The following ARL17A variants were observed in gnomAD, a reference collection of about 807,000 sequenced individuals.
The protein encoded by ARL17A is ARF like GTPase 17A.
chr17:46,529,119 C>T (rs1233930318), intron 4 of ARL17A, among the ~76,000 whole-genome samples: 1 of 133,318 alleles, frequency 7.5e-6, no homozygotes, highest in Non-Finnish European at 1.6e-5. Context: ...TGCTCCAGTC[C>T]TTTCATCTCT....
intron 4 of ARL17A, among the ~76,000 whole-genome samples, chr17:46,534,736 CGGG>C: frequency 6.7e-6 from 1 of 150,056 alleles, no homozygotes; most frequent in Non-Finnish European, 1.5e-5. Flanking sequence ...GGGTGGCGGC[CGGG>C]CAGAGGGGCT....
At chr17:46,549,185 G>A (rs2056543361), downstream of ARL17A, 2 of 1,611,322 alleles carry the variant, frequency 1.2e-6, no homozygotes, top group East Asian at 2.2e-5. Flanking sequence ...GCAGCGAAGA[G>A]CCTCATAAAT....
At chr17:46,548,818 G>C (rs2056476271), downstream of ARL17A, 1 of 1,612,084 alleles carries the variant, frequency 6.2e-7, no homozygotes, top group African/African-American at 1.4e-5. Flanking sequence ...TGAGAAGTTA[G>C]CGGGAAACGC....
At chr17:46,532,879 T>C (rs988551801) in intron 4 of ARL17A, among the ~76,000 whole-genome samples, 10 of 149,020 alleles carry the variant, frequency 6.7e-5, no homozygotes, top group African/African-American at 2.3e-4. Context: ...GGTGGGAGGA[T>C]TGCTTGACCC....
the ARL17A span, among the ~76,000 whole-genome samples, chr17:46,500,709 T>C: frequency 6.6e-6 from 1 of 151,212 alleles, no homozygotes; most frequent in East Asian, 1.9e-4. Context: ...TTCTTTTTTT[T>C]CCAATATCTT....
downstream of ARL17A, chr17:46,548,847 C>G (rs273529): frequency 6.4e-4 from 1,034 of 1,606,284 alleles, 61 homozygotes; most frequent in African/African-American, 7.0e-3. Context: ...CCAAGCCTTC[C>G]TTCACCCAAG....
chr17:46,530,382 T>C (rs1475858146), intron 4 of ARL17A, among the ~76,000 whole-genome samples: 1 of 144,758 alleles, frequency 6.9e-6, no homozygotes, highest in African/African-American at 2.6e-5. Context: ...TTCTTTCTCT[T>C]TGTAACATCA....
chr17:46,535,079 A>C (rs1403190645), intron 4 of ARL17A, among the ~76,000 whole-genome samples: 1 of 148,058 alleles, frequency 6.8e-6, no homozygotes, highest in African/African-American at 2.6e-5. Flanking sequence ...TTTTTTGTAG[A>C]GACAGGGTTT....
downstream of ARL17A, among the ~76,000 whole-genome samples, chr17:46,550,891 C>T (rs1195854352): frequency 6.8e-6 from 1 of 147,224 alleles, no homozygotes; most frequent in Non-Finnish European, 1.5e-5. Flanking sequence ...TCTCCACCCT[C>T]ACGGAGTTGT....
downstream of ARL17A, among the ~76,000 whole-genome samples, chr17:46,516,430 T>C (rs1445628108): frequency 3.5e-5 from 5 of 144,838 alleles, no homozygotes; most frequent in African/African-American, 1.3e-4. Flanking sequence ...CCTTGAGGTG[T>C]GGAGATGCTA....
chr17:46,541,939 G>A (rs1481124676), intron 3 of ARL17A, among the ~76,000 whole-genome samples: 4 of 143,640 alleles, frequency 2.8e-5, no homozygotes, highest in Admixed American at 2.1e-4. Flanking sequence ...TAGTATTCCG[G>A]TTGTGTGGAA....
chr17:46,528,781 C>T (rs1272122710), exon 5 of ARL17A: 6 of 670,982 alleles, frequency 8.9e-6, no homozygotes, highest in East Asian at 2.7e-5. Flanking sequence ...AGATTTTGCC[C>T]CTGAAAAAGC....
chr17:46,550,277 G>T, downstream of ARL17A: 3 of 269,552 alleles, frequency 1.1e-5, no homozygotes, highest in Non-Finnish European at 2.0e-5. Flanking sequence ...TTGCACCACG[G>T]TACCCAAGCC....
chr17:46,539,943 CTTT>C (rs1317290619), intron 3 of ARL17A, among the ~76,000 whole-genome samples: 1 of 139,072 alleles, frequency 7.2e-6, no homozygotes, highest in Non-Finnish European at 1.5e-5. Flanking sequence ...TTGCTATCCA[CTTT>C]TTTTTTCCTT....
At chr17:46,500,544 T>C in the ARL17A span, among the ~76,000 whole-genome samples, 2 of 150,324 alleles carry the variant, frequency 1.3e-5, no homozygotes, top group South Asian at 2.1e-4. Flanking sequence ...CGAGGCAGCT[T>C]TTCAAACTTT....
Position 46,539,768 on chromosome 17 carries a change from CAAAAAAAA to C in ARL17A, c.260-1350_260-1343del, listed in dbSNP as rs1204528686. The stretch of plus-strand genomic sequence containing the variant: ...GGGCAACAAGAGCGAGACTCCATCT[CAAAAAAAA>C]AAAAAAAAAAAAAATAGATGAACAA... On this transcript the variant is annotated intron_variant, in intron 3 of 4. Coordinates refer to the ARL17A transcript ENST00000329240. 1.6e-3 allele frequency among the ~76,000 whole-genome samples: 105 copies of C among 67,024 alleles called. 3 individuals carry two copies. The East Asian group carries it at 0.029, about 18-fold the overall frequency. 44.0% of individuals were successfully genotyped at this position (67,024 alleles called of 152,430 possible).
downstream of ARL17A, chr17:46,548,920 C>G (rs1461133578): frequency 6.2e-7 from 1 of 1,612,654 alleles, no homozygotes; most frequent in Non-Finnish European, 8.5e-7. Context: ...TACCTCCAGC[C>G]CTGCAAAAGC....
downstream of ARL17A, among the ~76,000 whole-genome samples, chr17:46,525,587 A>AAAT (rs1219756396): frequency 1.1e-3 from 73 of 66,680 alleles, 2 homozygotes; most frequent in East Asian, 0.028. Context: ...ACTCTGTCTC[A>AAAT]AATAATAATA....
At chr17:46,501,033 A>T in the ARL17A span, among the ~76,000 whole-genome samples, 3 of 151,282 alleles carry the variant, frequency 2.0e-5, 1 homozygote, top group East Asian at 5.8e-4. Context: ...TACAAAAAAA[A>T]TTAGCTGGGC....
Sources: allele counts gnomAD v4.1 joint callset (sites outside exome capture counted in the v4.1 genomes callset), GRCh38; gene constraint gnomAD v4.1.1; transcripts MANE v1.5; gene names NCBI Gene and HGNC (gene_info 2026-07-23, HGNC 2026-07-21).